Variants in GALNT14 observed in about 807,000 individuals in gnomAD.
GALNT14 encodes polypeptide N-acetylgalactosaminyltransferase 14.
In GALNT14, 60 loss-of-function variants were observed where a neutral mutation model predicts 77.5. The observed-to-expected ratio is 0.77, with a 90% CI of 0.63 to 0.96. GALNT14 has a LOEUF of 0.96. Ranked by LOEUF, GALNT14 falls within the 40% of genes least tolerant of loss-of-function variation. The pLI is 0.00. For missense variants in GALNT14, 710 were observed against 731.0 expected, an observed-to-expected ratio of 0.97 and a Z score of 0.33; for synonymous variants, 280 against 281.7, an observed-to-expected ratio of 0.99 and a Z score of 0.06.
intron 2 of GALNT14, among the ~76,000 whole-genome samples, chr2:30,990,972 ACTGGACAC>A (rs1436026623): frequency 2.0e-5 from 3 of 152,190 alleles, no homozygotes; most frequent in African/African-American, 7.2e-5. Flanking sequence ...AAAGCCCGGA[ACTGGACAC>A]CGTGAGCTGG....
At chr2:30,924,713 C>T in intron 12 of GALNT14, 27 bp downstream of exon 12, 2 of 1,604,070 alleles carry the variant, frequency 1.2e-6, no homozygotes, top group Non-Finnish European at 1.7e-6. Flanking sequence ...TTCAGCCAGC[C>T]AAAGCTCCAA....
At chr2:31,123,223 T>C (rs1043439555) in intron 1 of GALNT14, among the ~76,000 whole-genome samples, 4 of 148,540 alleles carry the variant, frequency 2.7e-5, no homozygotes, top group Non-Finnish European at 5.9e-5. Flanking sequence ...GACCATGGAG[T>C]CTGAATTTCA....
intron 1 of GALNT14, among the ~76,000 whole-genome samples, chr2:31,064,133 C>G (rs917822924): frequency 6.6e-6 from 1 of 152,154 alleles, no homozygotes; most frequent in Non-Finnish European, 1.5e-5. Flanking sequence ...TATTGGCTCT[C>G]TCTCCCAGAC....
intron 1 of GALNT14, among the ~76,000 whole-genome samples, chr2:31,039,208 T>C (rs1342760735): frequency 1.3e-5 from 2 of 152,202 alleles, no homozygotes; most frequent in Non-Finnish European, 2.9e-5. Flanking sequence ...CTGGAAGTGT[T>C]ACAATCACTG....
intron 10 of GALNT14, among the ~76,000 whole-genome samples, 152 bp downstream of exon 10, chr2:30,931,914 CAG>C (rs1665752495): frequency 6.6e-6 from 1 of 151,976 alleles, no homozygotes; most frequent in South Asian, 2.1e-4. Flanking sequence ...CCTATCCAAG[CAG>C]AGTCTGGGTA....
intron 1 of GALNT14, chr2:31,132,696 T>C (rs567420103): frequency 2.1e-6 from 1 of 471,058 alleles, no homozygotes; most frequent in South Asian, 1.5e-5. Context: ...TAGGCTGCAC[T>C]AACTTTGGGA....
chr2:31,120,381 T>A (rs1396284185), intron 1 of GALNT14, among the ~76,000 whole-genome samples: 2 of 152,224 alleles, frequency 1.3e-5, no homozygotes, highest in Non-Finnish European at 2.9e-5. Context: ...GATTCTTATG[T>A]TGCTTATCTC....
chr2:30,948,233 T>C (rs1666820146), intron 6 of GALNT14, among the ~76,000 whole-genome samples: 1 of 152,264 alleles, frequency 6.6e-6, no homozygotes, highest in Non-Finnish European at 1.5e-5. Flanking sequence ...TTGGGGCCTC[T>C]GCAGCTGTAC....
intron 1 of GALNT14, among the ~76,000 whole-genome samples, chr2:31,093,567 C>G (rs1676862484): frequency 6.6e-6 from 1 of 152,190 alleles, no homozygotes; most frequent in Non-Finnish European, 1.5e-5. Context: ...ACAGCACAGA[C>G]CACAGGCATG....
At chr2:30,904,033 C>T in the GALNT14 span, among the ~76,000 whole-genome samples, 1 of 152,108 alleles carries the variant, frequency 6.6e-6, no homozygotes, top group African/African-American at 2.4e-5. Flanking sequence ...AGAGATCATC[C>T]TAGGGTAATG....
At chr2:30,926,226 A>G (rs1665369141) in intron 11 of GALNT14, among the ~76,000 whole-genome samples, 1 of 152,208 alleles carries the variant, frequency 6.6e-6, no homozygotes, top group Non-Finnish European at 1.5e-5. Context: ...ATGATGGTGC[A>G]GTGTTACCAA....
chr2:31,106,427 A>G (rs895725966), intron 1 of GALNT14, among the ~76,000 whole-genome samples: 1 of 151,828 alleles, frequency 6.6e-6, no homozygotes, highest in African/African-American at 2.4e-5. Context: ...TGTTTCATTT[A>G]TTCACCTTTC....
chr2:31,010,999 C>CAG (rs1277050057), intron 1 of GALNT14, among the ~76,000 whole-genome samples: 1 of 152,200 alleles, frequency 6.6e-6, no homozygotes, highest in Non-Finnish European at 1.5e-5. Flanking sequence ...GGGAGAGGTT[C>CAG]AGCAGGGAGG....
At chr2:30,897,648 C>T in the GALNT14 span, among the ~76,000 whole-genome samples, 42 of 152,302 alleles carry the variant, frequency 2.8e-4, no homozygotes, top group East Asian at 5.6e-3. Context: ...CCGTTTTCTT[C>T]GGCAACGCAC....
the GALNT14 span, among the ~76,000 whole-genome samples, chr2:30,892,694 A>C: frequency 6.6e-6 from 1 of 152,200 alleles, no homozygotes; most frequent in African/African-American, 2.4e-5. Context: ...CCTTTCTTGT[A>C]ATGCTACCCA....
chr2:30,897,787 G>A, the GALNT14 span, among the ~76,000 whole-genome samples: 1 of 152,188 alleles, frequency 6.6e-6, no homozygotes, highest in South Asian at 2.1e-4. Flanking sequence ...ACTAAAGGGC[G>A]CAAACCAGCA....
chr2:30,986,263 G>C (rs529228262), intron 2 of GALNT14, among the ~76,000 whole-genome samples: 1 of 152,180 alleles, frequency 6.6e-6, no homozygotes, highest in African/African-American at 2.4e-5. Context: ...AGGCTTCCCC[G>C]GCTAGAGTTT....
chr2:31,129,728 G>T, intron 1 of GALNT14: 9 of 782,216 alleles, frequency 1.2e-5, no homozygotes, highest in Non-Finnish European at 1.4e-5. Flanking sequence ...GAGGTGGGGG[G>T]TGGGAGGGAC....
At chr2:30,993,348 T>C (rs1033993558) in intron 1 of GALNT14, among the ~76,000 whole-genome samples, 1 of 152,192 alleles carries the variant, frequency 6.6e-6, no homozygotes, top group Non-Finnish European at 1.5e-5. Flanking sequence ...GGTAAGTACC[T>C]TGCCCAAGAT....
Sources: gnomAD v4.1 joint callset for allele counts (sites outside exome capture counted in the v4.1 genomes callset) on GRCh38, gnomAD v4.1.1 for gene constraint, MANE v1.5 for transcripts, NCBI Gene and HGNC (gene_info 2026-07-23, HGNC 2026-07-21) for gene names.